Variants in XPO5 observed in about 807,000 individuals in gnomAD.
XPO5 encodes the protein exportin 5, also known as exportin-5.
In XPO5, 46 loss-of-function variants were observed where a neutral mutation model predicts 160.6. That is an observed-to-expected ratio of 0.29 (90% CI 0.23 to 0.37). XPO5 has a LOEUF of 0.37. Among genes scored for constraint, XPO5 ranks in the 10% least tolerant of loss-of-function variants. The probability of loss-of-function intolerance (pLI) is 1.00; values close to 1 mark genes in which losing one functional copy is unlikely to be tolerated. For missense variants in XPO5, 1,090 were observed against 1,463.9 expected (o/e 0.74, Z 4.17); for synonymous variants, 537 against 519.3 (o/e 1.03, Z -0.46).
rs932755566 is a variant in XPO5, at chr6:43,522,474, A to G, written c.*1394T>C. 1.7e-5 allele frequency: 3 copies of G among 179,030 alleles called. No individual in the cohort carries two copies. The highest frequency in any genetic ancestry group is 7.1e-5 in the African/African-American group (3 of 42,506). The allele number at this position is 179,030 out of a possible 1,614,324, so 11.1% of individuals were successfully genotyped here. ...AAAATATTACAATGCAATAAATACA[A>G]CTACATCCTCCACAGCCCCAACCAG... On this transcript the variant is annotated 3_prime_UTR_variant, in exon 32 of 32. Coordinates refer to ENST00000265351, the MANE Select transcript of XPO5 (RefSeq NM_020750.3).
At chr6:43,567,024 C>T (rs1762730669) in intron 7 of XPO5, 145 bp downstream of exon 7, 1 of 767,634 alleles carries the variant, frequency 1.3e-6, no homozygotes, top group Non-Finnish European at 2.0e-6. Flanking sequence ...AAACTCCTGT[C>T]CAAGGGGGTT....
At position 43,568,730 on chromosome 6, in the gene XPO5, T is replaced by G; in HGVS notation, c.629A>C (p.Asp210Ala). ...TCTTACCTTTGACTCCTGAGAAGTA[T>G]CTGTCTTCTGAAAGGAAGTATAAAG... ...NVNKYQQVKTDTSQESKAQAN... is the reference protein window; with the variant it reads ...NVNKYQQVKTATSQESKAQAN... The change falls in exon 6 of 32, where the codon GAT becomes GCT. Residue 210 changes from aspartate to alanine, a missense_variant. Asp to Ala is a moderately radical substitution (Grantham distance 126). This residue lies in a region of XPO5 where 110 missense variants were observed against 97.9 expected (regional missense o/e 1.12). Transcript: ENST00000265351. The G allele has an allele frequency of 6.3e-7, 1 of 1,577,262 alleles. No individual in the cohort carries two copies. Among genetic ancestry groups the G allele is most frequent in the Non-Finnish European group, 8.6e-7 (1 of 1,159,394 alleles).
intron 13 of XPO5, chr6:43,555,197 C>CT (rs1269290263): frequency 2.6e-5 from 4 of 152,264 alleles, no homozygotes; most frequent in Admixed American, 6.5e-5. Context: ...CCGCCTTGGG[C>CT]TCCCAAAGTG....
chr6:43,548,966 T>C (rs1345397939), intron 17 of XPO5, among the ~76,000 whole-genome samples: 1 of 152,200 alleles, frequency 6.6e-6, no homozygotes, highest in Non-Finnish European at 1.5e-5. Context: ...TAGTAATCTA[T>C]ATGGCAGAGA....
rs1477659106 is a variant in XPO5, at chr6:43,555,545, T to C, written c.1441+291A>G. ...AAATTTGTTAAGCTGGTGCCTGAAG[T>C]GAAGCAAATAAAATCAACAATAAAT... On this transcript the variant is annotated intron_variant, in intron 13 of 31. Transcript: ENST00000265351. 1.8e-5 allele frequency: 4 copies of C among 224,028 alleles called. No individual in the cohort carries two copies. The East Asian group carries it at 3.8e-4, about 21-fold the overall frequency. The allele number at this position is 224,028 out of a possible 1,614,324, so 13.9% of individuals were successfully genotyped here.
At position 43,573,603 on chromosome 6, in the gene XPO5, T is replaced by G. The variant is rs1763120788; in HGVS notation, c.106-2A>C. 6.2e-7 allele frequency: 1 copy of G among 1,611,004 alleles called. No individual in the cohort carries two copies. On this transcript the variant is annotated splice_acceptor_variant, in intron 1 of 31. Transcript: ENST00000265351. LOFTEE classifies it high-confidence loss of function. ...CTTTTCTTTAAACTCCTCACAAAAC[T>G]GAAAGAAGAAAAGTTAGTGTTTCCT... is the stretch of plus-strand genomic sequence containing the variant.
At chr6:43,526,547 A>C in intron 27 of XPO5, 138 bp downstream of exon 27, 1 of 941,594 alleles carries the variant, frequency 1.1e-6, no homozygotes, top group Non-Finnish European at 1.7e-6. Context: ...GGCACACAGC[A>C]AGAGGGCTGG....
intron 20 of XPO5, chr6:43,539,086 G>A (rs528882729): frequency 2.1e-5 from 28 of 1,361,348 alleles, no homozygotes; most frequent in Middle Eastern, 2.5e-4. Flanking sequence ...GCACAGGTGC[G>A]GAGACAATGC....
chr6:43,538,231 C>T (rs1207885449), intron 20 of XPO5, among the ~76,000 whole-genome samples: 1 of 142,424 alleles, frequency 7.0e-6, no homozygotes, highest in African/African-American at 2.7e-5. Flanking sequence ...CTCAATGCAA[C>T]CTCCGCCTGC....
Position 43,524,852 on chromosome 6 carries a change from G to C in XPO5, c.3291C>G (p.Ala1097=), listed in dbSNP as rs754782929. The change falls in exon 30 of 32, where the codon GCC becomes GCG. Residue 1097 remains alanine, a synonymous_variant. Transcript: ENST00000265351. ...DGCMASLVHL[A]FQIYEALRPR... is the part of the protein sequence containing the mutation. Reference sequence around the variant, plus strand: ...TCACCAGTGCCTCGTATATCTGGAAGGCCAGATGGACCAGGGAAGCCATGC... The same window carrying C: ...TCACCAGTGCCTCGTATATCTGGAACGCCAGATGGACCAGGGAAGCCATGC... The C allele has an allele frequency of 3.7e-6, 6 of 1,613,634 alleles. No individual in the cohort carries two copies. The South Asian group carries it at 6.6e-5, about 18-fold the overall frequency.
At chr6:43,561,085 A>C in intron 9 of XPO5, 78 bp from the exon 10 acceptor site, 1 of 1,197,000 alleles carries the variant, frequency 8.4e-7, no homozygotes, top group Non-Finnish European at 1.2e-6. Flanking sequence ...TAATAAAAAC[A>C]GATAAATTAA....
At chr6:43,572,846 T>A (rs1763080573) in intron 2 of XPO5, among the ~76,000 whole-genome samples, 1 of 152,250 alleles carries the variant, frequency 6.6e-6, no homozygotes, top group Non-Finnish European at 1.5e-5. Context: ...CTTTGCCTCA[T>A]GATTTTATTG....
intron 20 of XPO5, among the ~76,000 whole-genome samples, chr6:43,543,410 A>T (rs1490493682): frequency 6.6e-6 from 1 of 152,190 alleles, no homozygotes; most frequent in East Asian, 1.9e-4. Flanking sequence ...CCGTGATCGC[A>T]ACACTGCACC....
At chr6:43,562,445 T>A in intron 8 of XPO5, 99 bp from the exon 9 acceptor site, 1 of 888,962 alleles carries the variant, frequency 1.1e-6, no homozygotes, top group Non-Finnish European at 1.7e-6. Flanking sequence ...TAGTTAGGTC[T>A]GTAATTCAGC....
Position 43,570,705 on chromosome 6 carries a change from T to C in XPO5, c.439-21A>G, listed in dbSNP as rs765368424. The C allele has an allele frequency of 8.9e-6, 14 of 1,570,260 alleles. No individual in the cohort carries two copies. The Admixed American group carries it at 1.4e-4, about 16-fold the overall frequency. On this transcript the variant is annotated intron_variant, in intron 4 of 31. Coordinates refer to ENST00000265351, the MANE Select transcript of XPO5 (RefSeq NM_020750.3). ...GTTTCCTACACCAATAGAAATAAGC[T>C]AGTTAAAAACTAAAATATCTTTTCA...
At chr6:43,537,140 C>CTTTTTT (rs70990198) in intron 20 of XPO5, among the ~76,000 whole-genome samples, 2 of 137,180 alleles carry the variant, frequency 1.5e-5, no homozygotes, top group African/African-American at 5.5e-5. Flanking sequence ...ATAATTAAAA[C>CTTTTTT]TTTTTTTTTT....
chr6:43,527,879 C>T (rs577859438), intron 25 of XPO5, 148 bp from the exon 26 acceptor site: 14 of 771,962 alleles, frequency 1.8e-5, no homozygotes, highest in Non-Finnish European at 2.9e-5. Context: ...AGCAGTGATC[C>T]ACTGAAGGAC....
intron 21 of XPO5, among the ~76,000 whole-genome samples, chr6:43,532,352 C>T (rs1406663437): frequency 6.6e-6 from 1 of 152,142 alleles, no homozygotes; most frequent in Non-Finnish European, 1.5e-5. Context: ...CTGAGGAATG[C>T]CATTGGATTG....
Position 43,539,405 on chromosome 6 carries a change from G to T in XPO5, c.2343-5398C>A, listed in dbSNP as rs1363857225. On this transcript the variant is annotated intron_variant, in intron 20 of 31. Coordinates refer to ENST00000265351, the MANE Select transcript of XPO5 (RefSeq NM_020750.3). ...CTTCAAAACCTCATCCTTGAGAGAG[G>T]CCCCCAGGAAAAAGTCAATGATCTC... is the stretch of plus-strand genomic sequence containing the variant. 15 of 1,572,530 alleles carry T rather than the reference G, an allele frequency of 9.5e-6. No homozygotes were observed. The East Asian group carries it at 2.7e-4, about 28-fold the overall frequency.
Sources: gnomAD v4.1 joint callset for allele counts (sites outside exome capture counted in the v4.1 genomes callset) on GRCh38, gnomAD v4.1.1 for gene constraint, gnomAD v4.1.1 regional missense constraint, MANE v1.5 for transcripts, NCBI Gene and HGNC (gene_info 2026-07-23, HGNC 2026-07-21) for gene names.